The following PPFIA2 variants were observed in gnomAD, a reference collection of about 807,000 sequenced individuals.
PPFIA2 encodes the protein liprin-alpha-2.
PPFIA2 carries 46 observed loss-of-function variants against 175.5 expected under a neutral mutation model. That is an observed-to-expected ratio of 0.26 (90% CI 0.21 to 0.34). The LOEUF (loss-of-function observed/expected upper bound fraction) is 0.34, where lower values mean the gene tolerates loss of function less well. Among genes scored for constraint, PPFIA2 ranks in the 10% least tolerant of loss-of-function variants. The pLI is 1.00. For missense variants in PPFIA2, 1,179 were observed against 1,506.1 expected (o/e 0.78, Z 3.60); for synonymous variants, 568 against 511.4 (o/e 1.11, Z -1.49).
chr12:81,511,478 T>A (rs1215793855), intron 4 of PPFIA2, among the ~76,000 whole-genome samples: 1 of 152,052 alleles, frequency 6.6e-6, no homozygotes, highest in African/African-American at 2.4e-5. Context: ...TTGGATAACA[T>A]AGGAAAATAT....
chr12:81,588,898 T>C (rs1465456135), intron 4 of PPFIA2, among the ~76,000 whole-genome samples: 8 of 152,020 alleles, frequency 5.3e-5, no homozygotes, highest in African/African-American at 1.9e-4. Context: ...GTCATTTACA[T>C]ACTTCCAATT....
intron 4 of PPFIA2, among the ~76,000 whole-genome samples, chr12:81,664,804 T>C (rs1352157587): frequency 2.6e-5 from 4 of 152,158 alleles, no homozygotes; most frequent in African/African-American, 9.7e-5. Context: ...CCAACAATGA[T>C]AGACTGGATT....
chr12:81,415,007 T>C (rs1398075394), intron 7 of PPFIA2, among the ~76,000 whole-genome samples: 2 of 149,618 alleles, frequency 1.3e-5, no homozygotes, highest in Non-Finnish European at 3.0e-5. Context: ...AGCAACTTCA[T>C]GTAGTCTGTG....
intron 17 of PPFIA2, among the ~76,000 whole-genome samples, chr12:81,348,502 C>T (rs943364233): frequency 4.6e-5 from 7 of 152,062 alleles, no homozygotes; most frequent in Non-Finnish European, 7.4e-5. Flanking sequence ...CTTTGGGAGG[C>T]CGAGATGGGT....
At chr12:81,623,058 G>T (rs1186340119) in intron 4 of PPFIA2, among the ~76,000 whole-genome samples, 1 of 152,098 alleles carries the variant, frequency 6.6e-6, no homozygotes, top group Middle Eastern at 3.2e-3. Context: ...AGAGAAACAA[G>T]ATAGTGACTA....
intron 4 of PPFIA2, among the ~76,000 whole-genome samples, chr12:81,461,872 C>T (rs1477762910): frequency 1.3e-5 from 2 of 151,830 alleles, no homozygotes; most frequent in Non-Finnish European, 2.9e-5. Flanking sequence ...CTTTAAAATA[C>T]CTAGTTGTAT....
At chr12:81,700,941 T>C (rs117366265) in intron 3 of PPFIA2, among the ~76,000 whole-genome samples, 2,897 of 152,202 alleles carry the variant, frequency 0.019, 47 homozygotes, top group Admixed American at 0.058. Flanking sequence ...TTAATGTCAC[T>C]GACAAGTTGC....
chr12:81,531,656 C>T (rs1036446616), intron 4 of PPFIA2, among the ~76,000 whole-genome samples: 12 of 150,978 alleles, frequency 7.9e-5, no homozygotes, highest in Non-Finnish European at 1.0e-4. Context: ...CGAGATAGAA[C>T]GGAAGACAGG....
chr12:81,751,562 C>T (rs886583234), intron 3 of PPFIA2, among the ~76,000 whole-genome samples: 3 of 150,040 alleles, frequency 2.0e-5, no homozygotes, highest in East Asian at 3.9e-4. Flanking sequence ...CACACACACA[C>T]ACATATACAG....
At chr12:81,495,592 C>T (rs187155761) in intron 4 of PPFIA2, among the ~76,000 whole-genome samples, 27 of 152,154 alleles carry the variant, frequency 1.8e-4, no homozygotes, top group Admixed American at 1.4e-3. Flanking sequence ...ATTGCTTGAG[C>T]CCAGGAATTC....
In PPFIA2 at chr12:81,299,283, C is replaced by G. The variant is rs1310347540; in HGVS notation, c.2724+18G>C. The G allele has an allele frequency of 6.3e-7, 1 of 1,577,178 alleles. No individual in the cohort carries two copies. Among genetic ancestry groups the G allele is most frequent in the Non-Finnish European group, 8.6e-7 (1 of 1,160,198 alleles). ...TAGTAGTGATTGATTCAAGGGCCTC[C>G]TAGTTTCATTCTCTTACCTCTAGCC... On this transcript the variant is annotated intron_variant, in intron 23 of 32. Coordinates refer to ENST00000549396, the MANE Select transcript of PPFIA2 (RefSeq NM_003625.5).
chr12:81,360,865 A>T (rs1324359217), intron 15 of PPFIA2, among the ~76,000 whole-genome samples: 1 of 151,708 alleles, frequency 6.6e-6, no homozygotes, highest in Non-Finnish European at 1.5e-5. Flanking sequence ...TATAATCCCT[A>T]CTGCTTGTCT....
chr12:81,583,756 A>C (rs1196143696), intron 4 of PPFIA2, among the ~76,000 whole-genome samples: 1 of 151,868 alleles, frequency 6.6e-6, no homozygotes, highest in Non-Finnish European at 1.5e-5. Flanking sequence ...CTGGAGGCCT[A>C]GGGTCCACAG....
intron 22 of PPFIA2, among the ~76,000 whole-genome samples, chr12:81,307,288 T>C (rs1223164259): frequency 6.6e-6 from 1 of 152,092 alleles, no homozygotes; most frequent in Non-Finnish European, 1.5e-5. Context: ...AAATAAGAGT[T>C]TGTTCTTCAA....
chr12:81,653,137 T>C (rs1376860335), intron 4 of PPFIA2, among the ~76,000 whole-genome samples: 1 of 152,118 alleles, frequency 6.6e-6, no homozygotes, highest in African/African-American at 2.4e-5. Context: ...GTCCTTGTTC[T>C]ATTTCACTTA....
Position 81,519,369 on chromosome 12 carries a change from A to G in PPFIA2, c.304-61503T>C, listed in dbSNP as rs77900044. Among the ~76,000 whole-genome samples the G allele has an allele frequency of 7.5e-3, 1,146 of 152,350 alleles. 14 individuals are homozygous for G. Among genetic ancestry groups the G allele is most frequent in the African/African-American group, 0.025 (1,053 of 41,582 alleles). ...ATTTTAATGCTGTCTTTCAGCAGTC[A>G]CAATGTAGTTCCCAAATTATTAATT... On this transcript the variant is annotated intron_variant, in intron 4 of 32. Coordinates refer to ENST00000549396, the MANE Select transcript of PPFIA2 (RefSeq NM_003625.5).
chr12:81,569,516 G>C (rs1028587933), intron 4 of PPFIA2, among the ~76,000 whole-genome samples: 1 of 152,114 alleles, frequency 6.6e-6, no homozygotes, highest in Non-Finnish European at 1.5e-5. Context: ...AAAACTAGTT[G>C]CTAATATCTT....
intron 27 of PPFIA2, among the ~76,000 whole-genome samples, chr12:81,280,344 G>GT (rs1286121561): frequency 6.6e-6 from 1 of 152,076 alleles, no homozygotes; most frequent in Non-Finnish European, 1.5e-5. Flanking sequence ...TAATTCAACA[G>GT]TGTCAACAAC....
Position 81,683,390 on chromosome 12 carries a change from TTTG to T in PPFIA2, c.250-6549_250-6547del, listed in dbSNP as rs1361857501. On this transcript the variant is annotated intron_variant, in intron 3 of 32. Coordinates refer to ENST00000549396, the MANE Select transcript of PPFIA2 (RefSeq NM_003625.5). ...TAGCTTTCTAACTGTTGTCCATGAA[TTTG>T]TTATCTCCCTCTCCCCTATATATTC... Among the ~76,000 whole-genome samples the T allele has an allele frequency of 2.6e-5, 4 of 151,978 alleles. 1 individual carries two copies. In the South Asian group the frequency reaches 6.2e-4, roughly 24 times the overall value.
Sources: gnomAD v4.1 joint callset for allele counts (sites outside exome capture counted in the v4.1 genomes callset) on GRCh38, gnomAD v4.1.1 for gene constraint, MANE v1.5 for transcripts, NCBI Gene and HGNC (gene_info 2026-07-23, HGNC 2026-07-21) for gene names.